PCDHA7: variants seen among roughly 807,000 people sequenced by gnomAD.
PCDHA7 encodes the protein protocadherin alpha 7.
In PCDHA7, 37 loss-of-function variants were observed where a neutral mutation model predicts 57.2. The ratio of observed to expected loss-of-function variants is 0.65; its 90% CI spans 0.50 to 0.85. PCDHA7 has a LOEUF of 0.85. Ranked by LOEUF, PCDHA7 falls within the 40% of genes least tolerant of loss-of-function variation. The pLI, the probability that PCDHA7 is intolerant of heterozygous loss-of-function variation, is 0.00. For missense variants in PCDHA7, 1,188 were observed against 1,241.8 expected (o/e 0.96, Z 0.65); for synonymous variants, 553 against 558.8 (o/e 0.99, Z 0.15).
intron 1 of PCDHA7, among the ~76,000 whole-genome samples, chr5:140,956,942 A>G (rs2153711637): frequency 6.7e-6 from 1 of 148,840 alleles, no homozygotes; most frequent in Admixed American, 6.8e-5. Flanking sequence ...GATAAAATTT[A>G]CATTAAAACA....
At chr5:140,876,554 A>C (rs2056417075) in intron 1 of PCDHA7, 2 of 1,614,052 alleles carry the variant, frequency 1.2e-6, no homozygotes, top group African/African-American at 2.7e-5. Context: ...CCTGTGCAAG[A>C]GGATGCTCAG....
At position 140,877,451 on chromosome 5, in the gene PCDHA7, C is replaced by T. The variant is rs782361627; in HGVS notation, c.2355+40713C>T. ...AAGGACCACGGTGAGCCCGCGCTGA[C>T]GTCCACGGCCACGGTGCTGGTGTCG... On this transcript the variant is annotated intron_variant, in intron 1 of 3. Coordinates refer to ENST00000525929, the MANE Select transcript of PCDHA7 (RefSeq NM_018910.3). The T allele has an allele frequency of 3.5e-5, 57 of 1,613,672 alleles. No individual in the cohort carries two copies. The East Asian group carries it at 1.2e-3, about 35-fold the overall frequency.
chr5:140,882,438 C>A lies in PCDHA7; in HGVS notation c.2355+45700C>A, dbSNP rs782795158. On this transcript the variant is annotated intron_variant, in intron 1 of 3. Coordinates refer to ENST00000525929, the MANE Select transcript of PCDHA7 (RefSeq NM_018910.3). ...GCTCAGGACCTGGGGCTGGAGCTGG[C>A]GGAGCTGGTGCCGCGCCTGTTCCGG... 3.1e-6 allele frequency: 5 copies of A among 1,613,902 alleles called. No individual in the cohort carries two copies. In the Admixed American group the frequency reaches 5.0e-5, roughly 16 times the overall value.
intron 1 of PCDHA7, among the ~76,000 whole-genome samples, chr5:140,914,386 G>A (rs565819670): frequency 2.6e-5 from 4 of 152,216 alleles, no homozygotes; most frequent in East Asian, 1.9e-4. Flanking sequence ...TGTTATAAGT[G>A]TAGTTACCCC....
At chr5:140,846,239 T>G (rs1183572722) in intron 1 of PCDHA7, among the ~76,000 whole-genome samples, 1 of 149,652 alleles carries the variant, frequency 6.7e-6, no homozygotes, top group Non-Finnish European at 1.5e-5. Flanking sequence ...TAAAAAGAAG[T>G]ATACAATAAT....
Position 140,924,728 on chromosome 5 carries a change from C to G in PCDHA7, c.2356-54221C>G, listed in dbSNP as rs191622894. Among the ~76,000 whole-genome samples, 1,223 of 151,892 alleles carry G rather than the reference C, an allele frequency of 8.1e-3. 6 individuals carry two copies. The highest frequency in any genetic ancestry group is 0.019 in the African/African-American group (789 of 41,420). ...TGTGCAACATGGCGAAACCTCACCT[C>G]TAATAAAAATACAAAAATTAACCGA... On this transcript the variant is annotated intron_variant, in intron 1 of 3. Transcript: ENST00000525929.
intron 1 of PCDHA7, chr5:140,927,862 G>A (rs1397918624): frequency 2.5e-6 from 4 of 1,614,082 alleles, no homozygotes; most frequent in African/African-American, 2.7e-5. Context: ...AGCTAGCACC[G>A]CTAAACTGCT....
intron 1 of PCDHA7, chr5:140,866,685 A>T (rs2049496850): frequency 6.6e-6 from 1 of 152,190 alleles, no homozygotes; most frequent in Admixed American, 6.5e-5. Context: ...TAGGTCTGTT[A>T]GAATATCAGT....
chr5:140,907,252 A>C (rs1459023391), intron 1 of PCDHA7, among the ~76,000 whole-genome samples: 3 of 152,152 alleles, frequency 2.0e-5, no homozygotes, highest in African/African-American at 7.2e-5. Flanking sequence ...TGTAATTGTG[A>C]CTTCAAAAGG....
At chr5:140,920,199 C>G (rs2079510871) in intron 1 of PCDHA7, among the ~76,000 whole-genome samples, 1 of 152,116 alleles carries the variant, frequency 6.6e-6, no homozygotes, top group African/African-American at 2.4e-5. Flanking sequence ...GTCACAGCAG[C>G]CACAGAAAAC....
At position 140,881,209 on chromosome 5, in the gene PCDHA7, G is replaced by C. The variant is rs74494049; in HGVS notation, c.2355+44471G>C. The C allele has an allele frequency of 3.6e-3, 703 of 194,982 alleles. 1 individual carries two copies. The highest frequency in any genetic ancestry group is 0.016 in the African/African-American group (679 of 42,430). 12.1% of individuals were successfully genotyped at this position (194,982 alleles called of 1,614,324 possible). On this transcript the variant is annotated intron_variant, in intron 1 of 3. Transcript: ENST00000525929. Reference sequence around the variant, plus strand: ...GATATGTTAACATCTTTGTCTAGCTGTTGTTTCTTGGAAAATTAAAGTCAA... The same window carrying C: ...GATATGTTAACATCTTTGTCTAGCTCTTGTTTCTTGGAAAATTAAAGTCAA...
At chr5:140,855,820 T>C (rs2043635230) in intron 1 of PCDHA7, 2 of 529,480 alleles carry the variant, frequency 3.8e-6, no homozygotes, top group South Asian at 3.2e-5. Flanking sequence ...AGTTGTGAAC[T>C]CATGGAATCG....
At chr5:140,867,805 T>C (rs1260432905) in intron 1 of PCDHA7, 1 of 152,150 alleles carries the variant, frequency 6.6e-6, no homozygotes. Flanking sequence ...GCATTTTCTA[T>C]GAAATTCCAT....
intron 1 of PCDHA7, among the ~76,000 whole-genome samples, chr5:140,917,163 G>C (rs948639951): frequency 6.6e-6 from 1 of 152,182 alleles, no homozygotes; most frequent in Non-Finnish European, 1.5e-5. Flanking sequence ...ATATGGGAGG[G>C]GTGATGGTGG....
At chr5:140,928,304 AC>A (rs782506310) in intron 1 of PCDHA7, 98 of 1,613,908 alleles carry the variant, frequency 6.1e-5, no homozygotes, top group Non-Finnish European at 7.9e-5. Flanking sequence ...TTTGCCCAGG[AC>A]CCCGACCTGG....
At chr5:140,922,715 G>A (rs1221596173) in intron 1 of PCDHA7, among the ~76,000 whole-genome samples, 1 of 152,038 alleles carries the variant, frequency 6.6e-6, no homozygotes, top group East Asian at 1.9e-4. Flanking sequence ...AGAACAAAAA[G>A]AAACACTTGA....
rs1207602014 is a variant in PCDHA7 at position 140,886,275 on chromosome 5, T to A, written c.2355+49537T>A. On this transcript the variant is annotated intron_variant, in intron 1 of 3. Transcript: ENST00000525929. ...ATCTCTATTTATAGATAAAATTTTT[T>A]AAAATTATTTTTATATTTATTTATT... 5.9e-5 allele frequency among the ~76,000 whole-genome samples: 9 copies of A among 152,098 alleles called. No homozygotes were observed. In the East Asian group the frequency reaches 1.5e-3, roughly 26 times the overall value.
chr5:140,934,053 G>A (rs2089601827), intron 1 of PCDHA7, among the ~76,000 whole-genome samples: 1 of 151,758 alleles, frequency 6.6e-6, no homozygotes, highest in African/African-American at 2.4e-5. Flanking sequence ...GTCTTTCCAA[G>A]GCTAACTTTT....
intron 1 of PCDHA7, among the ~76,000 whole-genome samples, chr5:140,887,841 T>C (rs1024646010): frequency 2.6e-5 from 4 of 152,224 alleles, no homozygotes; most frequent in African/African-American, 7.2e-5. Context: ...ATATCTTTTA[T>C]TGACATATTT....
Sources: gnomAD v4.1 joint callset for allele counts (sites outside exome capture counted in the v4.1 genomes callset) on GRCh38, gnomAD v4.1.1 for gene constraint, MANE v1.5 for transcripts, NCBI Gene and HGNC (gene_info 2026-07-23, HGNC 2026-07-21) for gene names.